Variants in QTGAL observed in about 807,000 individuals in gnomAD.
QTGAL encodes queuosine-tRNA galactosyltransferase.
At chr17:83,024,700 G>C in the QTGAL span, among the ~76,000 whole-genome samples, 4 of 152,278 alleles carry the variant, frequency 2.6e-5, no homozygotes, top group Non-Finnish European at 4.4e-5. Context: ...GGTTCCTGGT[G>C]TGGGTCAGGC....
the QTGAL span, among the ~76,000 whole-genome samples, chr17:83,042,563 C>T: frequency 0.43 from 65,771 of 151,810 alleles, 15,157 homozygotes; most frequent in African/African-American, 0.59. Flanking sequence ...GAAAAGGAAA[C>T]GAGAAGGGAA....
the QTGAL span, among the ~76,000 whole-genome samples, chr17:82,958,795 ATGTGTG>A: frequency 2.5e-4 from 27 of 106,252 alleles, no homozygotes; most frequent in Non-Finnish European, 5.2e-5. Flanking sequence ...ACACTGAAGC[ATGTGTG>A]TGTGTGTGTA....
At chr17:82,963,250 A>G in the QTGAL span, among the ~76,000 whole-genome samples, 1 of 152,124 alleles carries the variant, frequency 6.6e-6, no homozygotes, top group African/African-American at 2.4e-5. Flanking sequence ...TCGGATCCTG[A>G]GGCAAAAGGA....
At chr17:83,005,603 A>T in the QTGAL span, 1 of 702,814 alleles carries the variant, frequency 1.4e-6, no homozygotes, top group Non-Finnish European at 2.6e-6. The surrounding 1 kb of genome is among the most constrained non-coding windows in gnomAD (Gnocchi z 5.6). Flanking sequence ...AGTGGATGTG[A>T]GGAAACCGCT....
the QTGAL span, chr17:82,965,754 C>T: frequency 1.2e-6 from 2 of 1,607,398 alleles, no homozygotes; most frequent in Non-Finnish European, 8.5e-7. Flanking sequence ...AACCTAGAAG[C>T]AATTAACGTT....
the QTGAL span, among the ~76,000 whole-genome samples, chr17:82,967,764 AAATAATAATAAT>A: frequency 8.6e-5 from 13 of 150,332 alleles, no homozygotes; most frequent in Non-Finnish European, 1.5e-4. Context: ...GCAACTCTAC[AAATAATAATAAT>A]AATAATAAAG....
chr17:82,960,461 C>A, the QTGAL span: 2,877 of 152,480 alleles, frequency 0.019, 39 homozygotes, highest in Middle Eastern at 0.027. Context: ...CCTCACAGTT[C>A]TAAGGAGGGA....
At chr17:83,025,667 C>T in the QTGAL span, among the ~76,000 whole-genome samples, 5,516 of 139,628 alleles carry the variant, frequency 0.04, 40 homozygotes, top group African/African-American at 0.081. Flanking sequence ...ACACGGACAC[C>T]GCGGAGAGTC....
the QTGAL span, among the ~76,000 whole-genome samples, chr17:82,969,326 A>AT: frequency 6.6e-6 from 1 of 151,384 alleles, no homozygotes. Flanking sequence ...CGCCTGGCTG[A>AT]TTTTTGTATT....
chr17:82,944,255 C>T, the QTGAL span: 2 of 131,222 alleles, frequency 1.5e-5, no homozygotes, highest in African/African-American at 2.5e-5. Context: ...TGGATCACTC[C>T]ACTGGCCACT....
chr17:82,961,096 T>C, the QTGAL span: 2 of 1,610,596 alleles, frequency 1.2e-6, no homozygotes, highest in Non-Finnish European at 1.7e-6. Flanking sequence ...GTGGTGGCGA[T>C]ACAGCAGGAG....
the QTGAL span, among the ~76,000 whole-genome samples, chr17:83,019,353 A>G: frequency 6.6e-6 from 1 of 152,228 alleles, no homozygotes; most frequent in Non-Finnish European, 1.5e-5. Context: ...AAAACAAAAG[A>G]CTTGATATAT....
At chr17:82,943,223 C>CTTGGGT in the QTGAL span, 8 of 152,262 alleles carry the variant, frequency 5.3e-5, no homozygotes, top group Non-Finnish European at 1.5e-5. Flanking sequence ...AGAGTCCACA[C>CTTGGGT]TTGGGTTTTT....
At chr17:83,007,740 A>T in the QTGAL span, among the ~76,000 whole-genome samples, 1 of 152,186 alleles carries the variant, frequency 6.6e-6, no homozygotes, top group Non-Finnish European at 1.5e-5. Context: ...AGGTAAAGCC[A>T]CACCGGGTCT....
the QTGAL span, among the ~76,000 whole-genome samples, chr17:83,014,236 C>T: frequency 1.1e-4 from 17 of 152,192 alleles, no homozygotes; most frequent in African/African-American, 3.9e-4. Context: ...CACCTTTGCA[C>T]CCTACGAAAA....
the QTGAL span, among the ~76,000 whole-genome samples, chr17:82,959,510 C>G: frequency 6.6e-6 from 1 of 151,928 alleles, no homozygotes; most frequent in African/African-American, 2.4e-5. Flanking sequence ...CTCCTGCAGA[C>G]GGCTGCGGGG....
chr17:83,020,700 G>A, the QTGAL span, among the ~76,000 whole-genome samples: 7 of 152,156 alleles, frequency 4.6e-5, no homozygotes, highest in Admixed American at 4.6e-4. Flanking sequence ...TAAAACCAGC[G>A]TCTCAAAGAG....
the QTGAL span, among the ~76,000 whole-genome samples, chr17:82,982,223 T>A: frequency 6.6e-6 from 1 of 152,174 alleles, no homozygotes; most frequent in South Asian, 2.1e-4. Flanking sequence ...GGAAGGAGGG[T>A]TCTTGCTGTC....
chr17:82,988,047 T>C, the QTGAL span, among the ~76,000 whole-genome samples: 1 of 152,176 alleles, frequency 6.6e-6, no homozygotes, highest in Non-Finnish European at 1.5e-5. Flanking sequence ...TGAATGGAAG[T>C]TCATTCATGA....
Sources: allele counts gnomAD v4.1 joint callset (sites outside exome capture counted in the v4.1 genomes callset), GRCh38; gene constraint gnomAD v4.1.1; non-coding constraint Gnocchi (gnomAD v3.1); transcripts MANE v1.5; gene names NCBI Gene and HGNC (gene_info 2026-07-23, HGNC 2026-07-21).